Variants in CNOT2 observed in about 807,000 individuals in gnomAD.
The protein encoded by CNOT2 is CCR4-NOT transcription complex subunit 2.
A neutral mutation model predicts 72.1 loss-of-function variants in CNOT2; 7 were observed. The ratio of observed to expected loss-of-function variants is 0.10; its 90% CI spans 0.06 to 0.18. The LOEUF (loss-of-function observed/expected upper bound fraction) is 0.18. Among genes scored for constraint, CNOT2 ranks in the 10% least tolerant of loss-of-function variants. The pLI, the probability that CNOT2 is intolerant of heterozygous loss-of-function variation, is 1.00. For missense variants in CNOT2, 345 were observed against 660.3 expected (o/e 0.52, Z 5.23); for synonymous variants, 196 against 225.6 (o/e 0.87, Z 1.17).
At chr12:70,282,946 C>T (rs1270732212) in intron 2 of CNOT2, among the ~76,000 whole-genome samples, 1 of 152,068 alleles carries the variant, frequency 6.6e-6, no homozygotes, top group Non-Finnish European at 1.5e-5. Context: ...TGATAATTCA[C>T]CAAGGATTTC....
chr12:70,313,707 T>G (rs1439062421), intron 3 of CNOT2, among the ~76,000 whole-genome samples: 1 of 152,132 alleles, frequency 6.6e-6, no homozygotes, highest in Admixed American at 6.5e-5. Context: ...AAACCTATTT[T>G]GTATAATAGG....
At chr12:70,317,469 AAAG>A (rs1424256674) in intron 3 of CNOT2, among the ~76,000 whole-genome samples, 1 of 152,012 alleles carries the variant, frequency 6.6e-6, no homozygotes. Context: ...ATACCTAAGA[AAAG>A]AACTTATCAG....
At chr12:70,248,478 A>G (rs768566454) in intron 1 of CNOT2, among the ~76,000 whole-genome samples, 6 of 152,176 alleles carry the variant, frequency 3.9e-5, no homozygotes, top group Non-Finnish European at 8.8e-5. Context: ...TCATATGGAA[A>G]TGTTCACGTG....
intron 4 of CNOT2, among the ~76,000 whole-genome samples, chr12:70,328,161 A>T (rs1259098605): frequency 1.3e-5 from 2 of 151,954 alleles, no homozygotes; most frequent in African/African-American, 4.8e-5. Flanking sequence ...ATATTGAATT[A>T]GATTGATTGG....
At chr12:70,266,003 CTT>C (rs200929958) in intron 1 of CNOT2, among the ~76,000 whole-genome samples, 38 of 143,502 alleles carry the variant, frequency 2.6e-4, no homozygotes, top group East Asian at 1.8e-3. Flanking sequence ...ATTCTTTTAA[CTT>C]TTTTTTTTTT....
chr12:70,299,085 T>C (rs1873350024), intron 2 of CNOT2, among the ~76,000 whole-genome samples: 1 of 151,826 alleles, frequency 6.6e-6, no homozygotes. Flanking sequence ...TTGACTCACA[T>C]GGCTGGGGAG....
Position 70,278,237 on chromosome 12 carries a change from C to A in CNOT2, c.11C>A (p.Thr4Asn). 6.2e-7 allele frequency: 1 copy of A among 1,611,688 alleles called. No homozygotes were observed. Among genetic ancestry groups the A allele is most frequent in the African/African-American group, 1.3e-5 (1 of 74,980 alleles). Residue 4 changes from threonine (T) to asparagine (N), a missense_variant, in exon 2 of 16, where the codon ACT (threonine) becomes AAT (asparagine). Thr to Asn is a moderately conservative substitution (Grantham distance 65, BLOSUM62 0). Around this residue, in one of 4 missense-constraint regions of CNOT2, gnomAD observed 157 missense variants for 235.3 expected, o/e 0.67. Coordinates refer to ENST00000229195, the MANE Select transcript of CNOT2 (RefSeq NM_014515.7). ...AAAGGACACGACTCTATGGTGAGGA[C>A]TGATGGACATACATTATCTGAGAAA... is the stretch of plus-strand genomic sequence containing the variant. MVR[T>N]DGHTLSEKRN...
intron 2 of CNOT2, chr12:70,307,662 G>A (rs1875669688): frequency 6.6e-6 from 1 of 152,114 alleles, no homozygotes; most frequent in South Asian, 2.1e-4. Flanking sequence ...GAAATTTATA[G>A]AAATTGATTT....
intron 2 of CNOT2, among the ~76,000 whole-genome samples, chr12:70,293,406 G>A (rs1872278060): frequency 2.0e-5 from 3 of 152,164 alleles, no homozygotes; most frequent in Non-Finnish European, 4.4e-5. Context: ...TGATCTGCCC[G>A]CCTCAGCCTC....
At chr12:70,315,683 T>C (rs1293681368) in intron 3 of CNOT2, among the ~76,000 whole-genome samples, 1 of 152,114 alleles carries the variant, frequency 6.6e-6, no homozygotes, top group African/African-American at 2.4e-5. Flanking sequence ...TGGTTTTTAT[T>C]GTTGTTGTTT....
At chr12:70,302,738 G>C (rs1346021807) in intron 2 of CNOT2, among the ~76,000 whole-genome samples, 1 of 152,218 alleles carries the variant, frequency 6.6e-6, no homozygotes, top group Non-Finnish European at 1.5e-5. Context: ...AGGTCCACTT[G>C]GTGCAGAGCT....
intron 1 of CNOT2, among the ~76,000 whole-genome samples, chr12:70,273,053 T>C (rs1244806596): frequency 1.3e-5 from 2 of 152,182 alleles, no homozygotes; most frequent in Non-Finnish European, 2.9e-5. Flanking sequence ...CCATCTTGTA[T>C]CATCAGCATT....
chr12:70,269,649 CTG>C (rs1411721994), intron 1 of CNOT2, among the ~76,000 whole-genome samples: 1 of 152,058 alleles, frequency 6.6e-6, no homozygotes, highest in African/African-American at 2.4e-5. Flanking sequence ...ATGAAAATAT[CTG>C]TGGTTTCTAG....
intron 14 of CNOT2, 41 bp from the exon 15 acceptor site, chr12:70,346,139 C>T: frequency 7.0e-7 from 1 of 1,419,640 alleles, no homozygotes; most frequent in Non-Finnish European, 9.8e-7. Context: ...TGATGTAAGC[C>T]ACAGGAAAAA....
intron 4 of CNOT2, among the ~76,000 whole-genome samples, chr12:70,324,999 G>T (rs1049637026): frequency 6.6e-6 from 1 of 151,824 alleles, no homozygotes; most frequent in Admixed American, 6.6e-5. Context: ...GTCTGAGTTA[G>T]TGTGGTCCCT....
At chr12:70,277,455 A>AT (rs1411273845) in intron 1 of CNOT2, among the ~76,000 whole-genome samples, 1 of 151,906 alleles carries the variant, frequency 6.6e-6, no homozygotes, top group Non-Finnish European at 1.5e-5. Flanking sequence ...CATCCCCATT[A>AT]TTTTTTCGCC....
chr12:70,263,254 A>G (rs181844803), intron 1 of CNOT2, among the ~76,000 whole-genome samples: 4 of 151,606 alleles, frequency 2.6e-5, no homozygotes, highest in Admixed American at 6.6e-5. Flanking sequence ...CTTCAATTTC[A>G]GAGGTTATCA....
chr12:70,339,047 T>TGTGC (rs1881106758), intron 11 of CNOT2, among the ~76,000 whole-genome samples: 2 of 137,408 alleles, frequency 1.5e-5, no homozygotes, highest in South Asian at 4.5e-4. Context: ...TGTGTGTGTG[T>TGTGC]GTGCATGTGC....
intron 11 of CNOT2, 200 bp from the exon 12 acceptor site, chr12:70,341,907 G>C (rs1881560561): frequency 1.7e-6 from 1 of 603,372 alleles, no homozygotes; most frequent in Admixed American, 2.9e-5. Flanking sequence ...AATACTGAGG[G>C]AAGGAGTCCT....
Sources: gnomAD v4.1 joint callset for allele counts (sites outside exome capture counted in the v4.1 genomes callset) on GRCh38, gnomAD v4.1.1 for gene constraint, gnomAD v4.1.1 regional missense constraint, MANE v1.5 for transcripts, NCBI Gene and HGNC (gene_info 2026-07-23, HGNC 2026-07-21) for gene names.